The following TANC1 variants were observed in gnomAD, a reference collection of about 807,000 sequenced individuals.
TANC1 encodes the protein protein TANC1.
TANC1 carries 77 observed loss-of-function variants against 149.7 expected under a neutral mutation model. The observed-to-expected ratio is 0.51, with a 90% CI of 0.43 to 0.62. The LOEUF is 0.62. TANC1 is among the 20% of genes least tolerant of loss of function. The pLI, the probability that TANC1 is intolerant of heterozygous loss-of-function variation, is 0.00. For synonymous variants in TANC1, 854 were observed against 925.0 expected, an observed-to-expected ratio of 0.92 and a Z score of 1.39; for missense variants, 1,985 against 2,321.8, an observed-to-expected ratio of 0.85 and a Z score of 2.98.
chr2:158,975,091 C>A (rs2033479199), intron 1 of TANC1, among the ~76,000 whole-genome samples: 1 of 151,882 alleles, frequency 6.6e-6, no homozygotes, highest in African/African-American at 2.4e-5. Context: ...TTTATAATAC[C>A]TAATATAATG....
intron 2 of TANC1, among the ~76,000 whole-genome samples, chr2:159,033,852 G>A (rs908490639): frequency 1.2e-4 from 18 of 152,172 alleles, no homozygotes; most frequent in African/African-American, 4.1e-4. Flanking sequence ...ACCAAGGAAA[G>A]CTCTGTTCTT....
At chr2:159,140,816 G>A (rs1256230841) in intron 5 of TANC1, among the ~76,000 whole-genome samples, 5 of 149,162 alleles carry the variant, frequency 3.4e-5, no homozygotes, top group African/African-American at 5.0e-5. Context: ...TCAGCCTCCC[G>A]AGTAGCTGGG....
chr2:159,114,444 A>G (rs1423056556), intron 4 of TANC1, among the ~76,000 whole-genome samples: 2 of 152,160 alleles, frequency 1.3e-5, no homozygotes, highest in Admixed American at 6.5e-5. Flanking sequence ...TGGTATTTTA[A>G]CAGGCAAGCA....
Position 159,228,788 on chromosome 2 carries a change from G to C in TANC1, c.4051-8G>C, listed in dbSNP as rs766127861. ...GCTTCTGACTCCTGTATTTCTTGTC[G>C]ACACCAGGACTTTGGCATGGCAGAG... On this transcript the variant is annotated splice_region_variant and splice_polypyrimidine_tract_variant and intron_variant, in intron 25 of 26. Coordinates refer to ENST00000263635, the MANE Select transcript of TANC1 (RefSeq NM_033394.3). 13 of 1,608,870 alleles carry C rather than the reference G, an allele frequency of 8.1e-6. No individual in the cohort carries two copies. Among genetic ancestry groups the C allele is most frequent in the Middle Eastern group, 1.7e-4 (1 of 6,054 alleles).
intron 3 of TANC1, among the ~76,000 whole-genome samples, chr2:159,095,373 A>G (rs1250627069): frequency 6.6e-6 from 1 of 152,208 alleles, no homozygotes; most frequent in African/African-American, 2.4e-5. Context: ...GACTAAAATT[A>G]TCTGACTTTG....
intron 7 of TANC1, among the ~76,000 whole-genome samples, chr2:159,160,861 A>G (rs1015034048): frequency 1.6e-4 from 24 of 152,120 alleles, no homozygotes; most frequent in African/African-American, 5.3e-4. Flanking sequence ...TCATTTCTAA[A>G]TGGTTACCCC....
At chr2:159,145,339 G>A (rs1469731670) in intron 5 of TANC1, among the ~76,000 whole-genome samples, 3 of 152,204 alleles carry the variant, frequency 2.0e-5, no homozygotes, top group Non-Finnish European at 4.4e-5. Flanking sequence ...CGGGCTCTTG[G>A]TGTTAAAGTT....
At chr2:159,088,367 A>G (rs1222309663) in intron 3 of TANC1, among the ~76,000 whole-genome samples, 3 of 152,066 alleles carry the variant, frequency 2.0e-5, no homozygotes, top group Non-Finnish European at 4.4e-5. Context: ...ATTTTCTCAC[A>G]TTGTTAAAAT....
intron 19 of TANC1, among the ~76,000 whole-genome samples, chr2:159,208,233 A>C (rs2058755119): frequency 4.6e-5 from 7 of 152,234 alleles, no homozygotes; most frequent in Non-Finnish European, 1.5e-5. Context: ...TAATATTATT[A>C]ATATAATATG....
chr2:159,172,781 A>G (rs747160330), intron 11 of TANC1, among the ~76,000 whole-genome samples: 1 of 152,178 alleles, frequency 6.6e-6, no homozygotes, highest in Non-Finnish European at 1.5e-5. Context: ...CTTAGCACCC[A>G]TCACTGGCTC....
At chr2:159,025,900 G>A (rs2039301402) in intron 2 of TANC1, among the ~76,000 whole-genome samples, 2 of 152,058 alleles carry the variant, frequency 1.3e-5, no homozygotes, top group Non-Finnish European at 1.5e-5. Context: ...AGGGAACTCC[G>A]ACCAATTCCT....
intron 4 of TANC1, among the ~76,000 whole-genome samples, chr2:159,134,132 G>A (rs908742738): frequency 3.3e-5 from 5 of 152,078 alleles, no homozygotes; most frequent in African/African-American, 1.2e-4. Flanking sequence ...TATGGCCCAG[G>A]GCTAAGAAGA....
At chr2:159,047,704 G>A (rs2041180303) in intron 2 of TANC1, among the ~76,000 whole-genome samples, 1 of 152,094 alleles carries the variant, frequency 6.6e-6, no homozygotes, top group African/African-American at 2.4e-5. Context: ...GATGTCTCAT[G>A]TTTCCCTAAA....
chr2:159,006,399 A>G (rs1345756123), intron 2 of TANC1, among the ~76,000 whole-genome samples: 1 of 152,196 alleles, frequency 6.6e-6, no homozygotes, highest in Non-Finnish European at 1.5e-5. Flanking sequence ...TTTAGTAGGA[A>G]TTATCCACAC....
At chr2:159,120,586 TA>T (rs1470050853) in intron 4 of TANC1, among the ~76,000 whole-genome samples, 3 of 152,154 alleles carry the variant, frequency 2.0e-5, no homozygotes, top group Non-Finnish European at 4.4e-5. Flanking sequence ...ATCTTGTGTT[TA>T]AAAAAATTTT....
At chr2:159,067,163 A>G (rs2042742700) in intron 3 of TANC1, among the ~76,000 whole-genome samples, 1 of 152,256 alleles carries the variant, frequency 6.6e-6, no homozygotes, top group Non-Finnish European at 1.5e-5. Context: ...GCCTTGTGAT[A>G]ATATTAATGT....
rs956352073 is a variant in TANC1, at chr2:159,170,592, A to G, written c.1138A>G (p.Thr380Ala). The change falls in exon 10 of 27, where the codon ACA becomes GCA. Residue 380 changes from threonine (T) to alanine (A), a missense_variant. Physicochemically the swap from Thr to Ala is moderately conservative, Grantham distance 58 (BLOSUM62 0). Coordinates refer to ENST00000263635, the MANE Select transcript of TANC1 (RefSeq NM_033394.3). ...CTTGTTGTTTGAAGTACCAAGCATA[A>G]CAACAGACTCTGTGTTTGTGGGAAG... is the stretch of plus-strand genomic sequence containing the variant. ...KPLLFEVPSI[T>A]TDSVFVGRDW... 1.8e-5 allele frequency: 29 copies of G among 1,614,228 alleles called. No individual in the cohort carries two copies. The highest frequency in any genetic ancestry group is 2.4e-5 in the Non-Finnish European group (28 of 1,180,038).
chr2:159,194,394 C>T lies in TANC1; in HGVS notation c.2880C>T (p.Cys960=), dbSNP rs779990986. Residue 960 remains cysteine (C), a synonymous_variant, in exon 17 of 27, where the codon TGC becomes TGT. Transcript: ENST00000263635. ...VVTLLLEFGA[C]LDGTSENGMT... Reference sequence around the variant, plus strand: ...CTCTGCTCCTGGAATTTGGTGCCTGCCTGGACGGAACGTCAGAGAACGGCA... The same window carrying T: ...CTCTGCTCCTGGAATTTGGTGCCTGTCTGGACGGAACGTCAGAGAACGGCA... The T allele has an allele frequency of 1.2e-6, 2 of 1,614,266 alleles. No homozygotes were observed. Among genetic ancestry groups the T allele is most frequent in the Admixed American group, 1.7e-5 (1 of 60,028 alleles).
At chr2:159,196,518 A>G in intron 17 of TANC1, 90 bp from the exon 18 acceptor site, 1 of 1,082,134 alleles carries the variant, frequency 9.2e-7, no homozygotes, top group South Asian at 1.7e-5. Context: ...GCTTACAGGG[A>G]GTGGGGTTTG....
Sources: allele counts gnomAD v4.1 joint callset (sites outside exome capture counted in the v4.1 genomes callset), GRCh38; gene constraint gnomAD v4.1.1; transcripts MANE v1.5; gene names NCBI Gene and HGNC (gene_info 2026-07-23, HGNC 2026-07-21).